Variants in NWD2 observed in about 807,000 individuals in gnomAD.
NWD2 encodes NACHT and WD repeat domain-containing protein 2.
NWD2 carries 37 observed loss-of-function variants against 132.7 expected under a neutral mutation model. That is an observed-to-expected ratio of 0.28 (90% CI 0.21 to 0.37). The LOEUF is 0.37. NWD2 is among the 10% of genes least tolerant of loss of function. The pLI, the probability that NWD2 is intolerant of heterozygous loss-of-function variation, is 1.00. For missense variants in NWD2, 1,592 were observed against 2,122.4 expected, an observed-to-expected ratio of 0.75 and a Z score of 4.91; for synonymous variants, 705 against 803.0, an observed-to-expected ratio of 0.88 and a Z score of 2.06.
chr4:37,294,178 A>C (rs1577658430), intron 1 of NWD2, among the ~76,000 whole-genome samples: 1 of 152,172 alleles, frequency 6.6e-6, no homozygotes, highest in East Asian at 1.9e-4. Context: ...TCTTGTTGTA[A>C]CAGCCTCTAA....
intron 2 of NWD2, among the ~76,000 whole-genome samples, chr4:37,341,075 T>G (rs1719508832): frequency 6.6e-6 from 1 of 152,242 alleles, no homozygotes; most frequent in African/African-American, 2.4e-5. Context: ...TTCTTGACTT[T>G]GTAATGGTTC....
intron 3 of NWD2, among the ~76,000 whole-genome samples, chr4:37,369,259 A>G (rs1197179698): frequency 6.6e-6 from 1 of 151,802 alleles, no homozygotes; most frequent in East Asian, 1.9e-4. Context: ...TCTGTTTCTT[A>G]CAATCTGTTT....
At chr4:37,263,148 T>A (rs922414022) in intron 1 of NWD2, among the ~76,000 whole-genome samples, 1 of 152,268 alleles carries the variant, frequency 6.6e-6, no homozygotes, top group Admixed American at 6.5e-5. Flanking sequence ...GGTCCAGCTT[T>A]CACAGCTGCT....
intron 1 of NWD2, among the ~76,000 whole-genome samples, chr4:37,278,692 A>G (rs1219385949): frequency 1.3e-5 from 2 of 152,144 alleles, no homozygotes; most frequent in Non-Finnish European, 1.5e-5. Context: ...AACCAGCACC[A>G]TTTTCTTGGG....
At chr4:37,249,165 G>A (rs1224536666) in intron 1 of NWD2, among the ~76,000 whole-genome samples, 1 of 152,196 alleles carries the variant, frequency 6.6e-6, no homozygotes, top group African/African-American at 2.4e-5. Context: ...ACATGTGGCT[G>A]TTGTATCAGA....
At chr4:37,297,845 A>C (rs1455846099) in intron 1 of NWD2, among the ~76,000 whole-genome samples, 1 of 152,140 alleles carries the variant, frequency 6.6e-6, no homozygotes, top group Admixed American at 6.5e-5. Context: ...TATCAGGAGG[A>C]ACATGAAGTT....
chr4:37,354,963 C>A (rs1296689016), intron 2 of NWD2, among the ~76,000 whole-genome samples: 3 of 151,908 alleles, frequency 2.0e-5, no homozygotes, highest in Non-Finnish European at 4.4e-5. Context: ...CCTATTTATT[C>A]ATTTATTACT....
At chr4:37,337,126 G>T (rs891463295) in intron 2 of NWD2, among the ~76,000 whole-genome samples, 1 of 152,100 alleles carries the variant, frequency 6.6e-6, no homozygotes, top group Non-Finnish European at 1.5e-5. Flanking sequence ...TACACATGAG[G>T]CAACAGACTA....
At chr4:37,391,473 G>A (rs555690879) in intron 3 of NWD2, among the ~76,000 whole-genome samples, 1 of 152,212 alleles carries the variant, frequency 6.6e-6, no homozygotes, top group Non-Finnish European at 1.5e-5. Flanking sequence ...GAGAAAGGGA[G>A]GGATTTAGAG....
At chr4:37,336,880 A>C (rs947446502) in intron 2 of NWD2, among the ~76,000 whole-genome samples, 4 of 143,646 alleles carry the variant, frequency 2.8e-5, no homozygotes, top group Middle Eastern at 7.3e-3. Context: ...CGGAGGTTGC[A>C]GTGGGCCGAG....
rs1329390982 is a variant in NWD2, at chr4:37,446,648, T to G, written c.4660T>G (p.Tyr1554Asp). 11 of 1,551,406 alleles carry G rather than the reference T, an allele frequency of 7.1e-6. No individual in the cohort carries two copies. The East Asian group carries it at 2.4e-4, about 34-fold the overall frequency. ...GDENINVLDL[Y>D]SGKLRVVHAS... Reference sequence around the variant, plus strand: ...TGAAAACATCAATGTGCTAGATTTATACAGTGGTAAATTGCGGGTGGTTCA... The same window carrying G: ...TGAAAACATCAATGTGCTAGATTTAGACAGTGGTAAATTGCGGGTGGTTCA... Residue 1554 changes from tyrosine to aspartate, a missense_variant, in exon 7 of 7, where the codon TAC becomes GAC. By Grantham distance (160) the Tyr-to-Asp change is radical (BLOSUM62 -3). Around this residue, in one of 7 missense-constraint regions of NWD2, gnomAD observed 257 missense variants for 335.0 expected, o/e 0.77. Transcript: ENST00000309447. This position sits in a 1 kb window ranked among gnomAD's most constrained non-coding sequence, Gnocchi z 6.7.
At chr4:37,270,001 T>G (rs1021637565) in intron 1 of NWD2, among the ~76,000 whole-genome samples, 9 of 151,800 alleles carry the variant, frequency 5.9e-5, no homozygotes, top group South Asian at 2.1e-4. Context: ...TTATTTGGTG[T>G]TGTTGGTCTT....
At chr4:37,335,582 A>G (rs1254451009) in intron 2 of NWD2, among the ~76,000 whole-genome samples, 2 of 152,088 alleles carry the variant, frequency 1.3e-5, no homozygotes, top group South Asian at 2.1e-4. Flanking sequence ...GCTGGGCCAC[A>G]TGGCAGGAGG....
At chr4:37,410,870 C>G (rs1721140890) in intron 3 of NWD2, among the ~76,000 whole-genome samples, 1 of 152,124 alleles carries the variant, frequency 6.6e-6, no homozygotes, top group Admixed American at 6.6e-5. Flanking sequence ...TACATGGAAA[C>G]TGAACAAACT....
chr4:37,398,685 C>G (rs916053383), intron 3 of NWD2, among the ~76,000 whole-genome samples: 2 of 152,166 alleles, frequency 1.3e-5, no homozygotes, highest in African/African-American at 2.4e-5. Flanking sequence ...TAAACAGACT[C>G]TTATGTGCTT....
chr4:37,267,974 G>A (rs1038489177), intron 1 of NWD2, among the ~76,000 whole-genome samples: 3 of 151,774 alleles, frequency 2.0e-5, no homozygotes, highest in Admixed American at 6.6e-5. Flanking sequence ...TTCTCATGCT[G>A]GTATTACTCT....
chr4:37,350,300 T>A (rs1201231924), intron 2 of NWD2, among the ~76,000 whole-genome samples: 1 of 152,228 alleles, frequency 6.6e-6, no homozygotes, highest in Non-Finnish European at 1.5e-5. Context: ...ACGATATTGA[T>A]TCTTCCTATC....
At chr4:37,335,230 G>T (rs1044940858) in intron 2 of NWD2, among the ~76,000 whole-genome samples, 1 of 136,056 alleles carries the variant, frequency 7.3e-6, no homozygotes, top group Non-Finnish European at 1.5e-5. Flanking sequence ...ACTACATTTG[G>T]TTCACCAGAT....
intron 3 of NWD2, among the ~76,000 whole-genome samples, chr4:37,404,330 A>T (rs923579225): frequency 2.6e-5 from 4 of 152,170 alleles, no homozygotes; most frequent in Non-Finnish European, 5.9e-5. Flanking sequence ...TGCCTCTGAA[A>T]AGCACTCCTC....
Sources: gnomAD v4.1 joint callset for allele counts (sites outside exome capture counted in the v4.1 genomes callset) on GRCh38, gnomAD v4.1.1 for gene constraint, gnomAD v4.1.1 regional missense constraint, Gnocchi (gnomAD v3.1) non-coding constraint, MANE v1.5 for transcripts, NCBI Gene and HGNC (gene_info 2026-07-23, HGNC 2026-07-21) for gene names.